Variants in HMCN1 observed in about 807,000 individuals in gnomAD.
HMCN1 encodes hemicentin-1.
Under a neutral mutation model 625.9 loss-of-function variants are expected in HMCN1, and 321 were observed. The observed-to-expected ratio is 0.51, with a 90% CI of 0.47 to 0.56. The LOEUF (loss-of-function observed/expected upper bound fraction) is 0.56, where lower values mean the gene tolerates loss of function less well. Ranked by LOEUF, HMCN1 falls within the 20% of genes least tolerant of loss-of-function variation. HMCN1 has a pLI of 0.00. For missense variants in HMCN1, 6,588 were observed against 6,887.3 expected (o/e 0.96, Z 1.54); for synonymous variants, 2,425 against 2,417.6 (o/e 1.00, Z -0.09).
chr1:186,011,128 C>G (rs1269924711), intron 30 of HMCN1, among the ~76,000 whole-genome samples: 2 of 152,138 alleles, frequency 1.3e-5, no homozygotes, highest in Non-Finnish European at 2.9e-5. Context: ...TCACTGCAAC[C>G]TCCGCCTCTT....
chr1:185,841,064 G>T (rs1390994835), intron 1 of HMCN1, among the ~76,000 whole-genome samples: 1 of 152,094 alleles, frequency 6.6e-6, no homozygotes, highest in Non-Finnish European at 1.5e-5. Flanking sequence ...AGCAGTGAAA[G>T]AAAATATTAC....
rs117358271 is a variant in HMCN1, at chr1:186,055,889, T to A, written c.7144+215T>A. On this transcript the variant is annotated intron_variant, in intron 45 of 106. Coordinates refer to ENST00000271588, the MANE Select transcript of HMCN1 (RefSeq NM_031935.3). ...GAAATAAGCGCATATTAGATATTCT[T>A]TAAGGAAAGCACACAGTAAAGTAGA... Among the ~76,000 whole-genome samples the A allele has an allele frequency of 3.0e-3, 463 of 152,100 alleles. 12 individuals are homozygous for A. The South Asian group carries it at 0.04, about 13-fold the overall frequency.
At position 186,166,189 on chromosome 1, in the gene HMCN1, G is replaced by T; in HGVS notation, c.15325G>T (p.Asp5109Tyr). Residue 5109 changes from aspartate (D) to tyrosine (Y), a missense_variant, in exon 99 of 107, where the codon GAT (aspartate) becomes TAT (tyrosine). By Grantham distance (160) the Asp-to-Tyr change is radical (BLOSUM62 -3). Transcript: ENST00000271588. The part of the protein sequence containing the change: ...DSVGPFCADE[D>Y]ECAAGNPCSH... ...CTTTTTGTTTCTTCTTTAAGATGAG[G>T]ATGAATGTGCAGCAGGGAATCCCTG... is the stretch of plus-strand genomic sequence containing the variant. 2 of 1,614,110 alleles carry T rather than the reference G, an allele frequency of 1.2e-6. No individual in the cohort carries two copies. Among genetic ancestry groups the T allele is most frequent in the Non-Finnish European group, 1.7e-6 (2 of 1,180,018 alleles).
chr1:185,948,794 A>C (rs1668482665), intron 11 of HMCN1, among the ~76,000 whole-genome samples: 1 of 151,432 alleles, frequency 6.6e-6, no homozygotes, highest in African/African-American at 2.4e-5. Context: ...GGGGCGGTGA[A>C]AATTTTTGGG....
At chr1:186,179,948 C>G (rs1652841473) in intron 104 of HMCN1, among the ~76,000 whole-genome samples, 5 of 152,048 alleles carry the variant, frequency 3.3e-5, no homozygotes, top group Admixed American at 2.6e-4. Context: ...TTTTTTCCAG[C>G]ACTTTTCTGT....
intron 30 of HMCN1, among the ~76,000 whole-genome samples, chr1:186,014,478 A>T (rs183674540): frequency 4.3e-4 from 66 of 152,172 alleles, no homozygotes; most frequent in African/African-American, 1.2e-3. Flanking sequence ...TGTTGCAATG[A>T]TAGCATGATC....
rs181783363 is a variant in HMCN1 at position 186,101,747 on chromosome 1, C to G, written c.10574-1725C>G. Among the ~76,000 whole-genome samples, 7 of 151,976 alleles carry G rather than the reference C, an allele frequency of 4.6e-5. No homozygotes were observed. In the East Asian group the frequency reaches 1.4e-3, roughly 29 times the overall value. On this transcript the variant is annotated intron_variant, in intron 68 of 106. Transcript: ENST00000271588. Reference sequence around the variant, plus strand: ...CTTTGGGGTGGGGGCAGTGAGCATGCCTTATTAATCTTTGTATTCATGATG... The same window carrying G: ...CTTTGGGGTGGGGGCAGTGAGCATGGCTTATTAATCTTTGTATTCATGATG...
rs74645870 is a variant in HMCN1 at position 186,041,392 on chromosome 1, A to G, written c.6304+256A>G. On this transcript the variant is annotated intron_variant, in intron 40 of 106. Transcript: ENST00000271588. The stretch of plus-strand genomic sequence containing the variant: ...GGTTTTATAGAGTACTCTGAAAACC[A>G]TGACTGGATAGCAGCTCTGCCATTT... 2.0e-5 allele frequency among the ~76,000 whole-genome samples: 3 copies of G among 152,302 alleles called. No individual in the cohort carries two copies. The East Asian group carries it at 5.8e-4, about 29-fold the overall frequency.
At chr1:186,065,858 G>A (rs1320709864) in intron 49 of HMCN1, among the ~76,000 whole-genome samples, 1 of 152,034 alleles carries the variant, frequency 6.6e-6, no homozygotes, top group African/African-American at 2.4e-5. Context: ...TTCAGTTCTG[G>A]CTTATGTCTC....
intron 100 of HMCN1, among the ~76,000 whole-genome samples, chr1:186,171,080 T>TTAAAG (rs1652201843): frequency 6.6e-6 from 1 of 152,216 alleles, no homozygotes; most frequent in Admixed American, 6.5e-5. Context: ...GGCAAAATAC[T>TTAAAG]TAAAGTAGAA....
intron 36 of HMCN1, among the ~76,000 whole-genome samples, chr1:186,029,201 A>T (rs72718885): frequency 0.016 from 2,426 of 152,262 alleles, 21 homozygotes; most frequent in Middle Eastern, 0.041. Flanking sequence ...GGAGTAGAAA[A>T]GCAATTGGCT....
intron 30 of HMCN1, 24 bp from the exon 31 acceptor site, chr1:186,015,131 CTTGT>C (rs777690755): frequency 1.8e-5 from 29 of 1,605,942 alleles, no homozygotes; most frequent in Non-Finnish European, 2.4e-5. Context: ...ACTTAGATGA[CTTGT>C]TTTTGTTCTG....
rs188869075 is a variant in HMCN1 at position 185,850,744 on chromosome 1, C to T, written c.339+4648C>T. Among the ~76,000 whole-genome samples the T allele has an allele frequency of 3.3e-4, 50 of 152,118 alleles. 1 individual carries two copies. The highest frequency in any genetic ancestry group is 3.1e-3 in the Admixed American group (48 of 15,270). On this transcript the variant is annotated intron_variant, in intron 2 of 106. Transcript: ENST00000271588. ...TGGGGTCTATTTCTCTGTAGGTTTC[C>T]CCTGGACAGGCTTTATCTTATGGGA...
intron 11 of HMCN1, among the ~76,000 whole-genome samples, chr1:185,950,161 A>C (rs1668569088): frequency 6.6e-6 from 1 of 151,470 alleles, no homozygotes; most frequent in South Asian, 2.1e-4. Flanking sequence ...ATCGGGAATA[A>C]TGTGGGAGGC....
chr1:185,754,240 C>T (rs1376301253), intron 1 of HMCN1, among the ~76,000 whole-genome samples: 1 of 152,014 alleles, frequency 6.6e-6, no homozygotes, highest in Non-Finnish European at 1.5e-5. Context: ...GAGAGTAGAA[C>T]AGTGGTCACC....
At chr1:185,769,045 A>G (rs1230369207) in intron 1 of HMCN1, among the ~76,000 whole-genome samples, 1 of 152,188 alleles carries the variant, frequency 6.6e-6, no homozygotes, top group Non-Finnish European at 1.5e-5. Flanking sequence ...AATTTTAAAT[A>G]TTTGATTTGA....
chr1:185,853,994 T>C (rs1286850977), intron 2 of HMCN1, among the ~76,000 whole-genome samples: 1 of 152,210 alleles, frequency 6.6e-6, no homozygotes, highest in Non-Finnish European at 1.5e-5. Flanking sequence ...TATGTGCTGC[T>C]TAGGCAACCA....
chr1:186,183,925 C>T (rs1430253702), intron 105 of HMCN1, among the ~76,000 whole-genome samples: 1 of 152,186 alleles, frequency 6.6e-6, no homozygotes, highest in African/African-American at 2.4e-5. Flanking sequence ...ACCACACCCC[C>T]TCCAGGTACC....
chr1:186,080,095 T>C lies in HMCN1; in HGVS notation c.8600-1112T>C, dbSNP rs779499060. Among the ~76,000 whole-genome samples the C allele has an allele frequency of 1.4e-3, 218 of 152,352 alleles. 4 individuals carry two copies. Among genetic ancestry groups the C allele is most frequent in the Non-Finnish European group, 1.1e-3 (78 of 68,034 alleles). On this transcript the variant is annotated intron_variant, in intron 55 of 106. Coordinates refer to ENST00000271588, the MANE Select transcript of HMCN1 (RefSeq NM_031935.3). ...CATTTAATCTAAAACTCAAGTTTATTATTTAGTAATCTGCAGTTCAAATTA... is the reference window on the plus strand; with the variant it reads ...CATTTAATCTAAAACTCAAGTTTATCATTTAGTAATCTGCAGTTCAAATTA...
Sources: gnomAD v4.1 joint callset for allele counts (sites outside exome capture counted in the v4.1 genomes callset) on GRCh38, gnomAD v4.1.1 for gene constraint, MANE v1.5 for transcripts, NCBI Gene and HGNC (gene_info 2026-07-23, HGNC 2026-07-21) for gene names.